Variants in RASGRF2 observed in about 807,000 individuals in gnomAD.
RASGRF2 encodes ras-specific guanine nucleotide-releasing factor 2.
RASGRF2 carries 76 observed loss-of-function variants against 151.0 expected under a neutral mutation model. The observed-to-expected ratio is 0.50, with a 90% confidence interval of 0.42 to 0.61. The LOEUF is 0.61. Among genes scored for constraint, RASGRF2 ranks in the 20% least tolerant of loss-of-function variants. The pLI is 0.00. For synonymous variants in RASGRF2, 504 were observed against 566.5 expected (o/e 0.89, Z 1.57); for missense variants, 1,148 against 1,564.6 (o/e 0.73, Z 4.49).
intron 2 of RASGRF2, among the ~76,000 whole-genome samples, chr5:81,063,634 A>G (rs1471597191): frequency 6.6e-6 from 1 of 151,988 alleles, no homozygotes; most frequent in Non-Finnish European, 1.5e-5. Context: ...TCTTGGATCT[A>G]TACTCTAGGT....
At chr5:81,002,656 T>G (rs376867442) in intron 1 of RASGRF2, among the ~76,000 whole-genome samples, 1 of 152,326 alleles carries the variant, frequency 6.6e-6, no homozygotes, top group East Asian at 1.9e-4. Context: ...ATGTTTGTAT[T>G]TATTGAATAT....
At chr5:81,034,465 C>T (rs1102240) in intron 1 of RASGRF2, among the ~76,000 whole-genome samples, 27,135 of 151,478 alleles carry the variant, frequency 0.18, 2,515 homozygotes, top group Admixed American at 0.26. Context: ...ACCCAAAGGA[C>T]TATAAATCAT....
rs895197705 is a variant in RASGRF2, at chr5:81,034,627, T to G, written c.289-8250T>G. Among the ~76,000 whole-genome samples the G allele has an allele frequency of 9.0e-4, 136 of 151,324 alleles. 1 individual carries two copies. The highest frequency in any genetic ancestry group is 3.1e-3 in the African/African-American group (130 of 41,288). ...TGGAATACTATGCAGCCATAAAAAA[T>G]GATGAGTTCATGTCCTTTGTAGGGA... On this transcript the variant is annotated intron_variant, in intron 1 of 26. Transcript: ENST00000265080.
chr5:81,099,907 CT>C lies in RASGRF2; in HGVS notation c.1755+4933del, dbSNP rs577876645. On this transcript the variant is annotated intron_variant, in intron 12 of 26. Coordinates refer to ENST00000265080, the MANE Select transcript of RASGRF2 (RefSeq NM_006909.3). Reference sequence around the variant, plus strand: ...ATTTTTGTCACTATTTTTCTTTTTTCTTTTTTTTTTTTTTTTTTGAGACAGA... The same window carrying C: ...ATTTTTGTCACTATTTTTCTTTTTTCTTTTTTTTTTTTTTTTTGAGACAGA... Among the ~76,000 whole-genome samples, 682 of 124,998 alleles carry C rather than the reference CT, an allele frequency of 5.5e-3. 1 individual carries two copies. The highest frequency in any genetic ancestry group is 0.013 in the African/African-American group (441 of 32,824). 82.0% of individuals were successfully genotyped at this position (124,998 alleles called of 152,430 possible). A position where few individuals can be genotyped will look rare whatever the true frequency, so the allele number is the denominator to read the frequency against.
chr5:81,120,021 A>T (rs905024132), intron 15 of RASGRF2, among the ~76,000 whole-genome samples: 2 of 152,154 alleles, frequency 1.3e-5, no homozygotes, highest in Non-Finnish European at 2.9e-5. Flanking sequence ...AAGCCCGTAG[A>T]GCCAACCTTT....
chr5:81,225,122 C>A (rs2112758394), intron 26 of RASGRF2, among the ~76,000 whole-genome samples: 1 of 152,306 alleles, frequency 6.6e-6, no homozygotes, highest in African/African-American at 2.4e-5. Context: ...CCTAGCCTAG[C>A]AGAGTATTCA....
At chr5:81,222,936 C>T (rs545657839) in intron 26 of RASGRF2, among the ~76,000 whole-genome samples, 1 of 152,214 alleles carries the variant, frequency 6.6e-6, no homozygotes, top group East Asian at 1.9e-4. Flanking sequence ...AGGAGTATAG[C>T]AACTTGACAT....
At chr5:81,136,233 T>C (rs1389637269) in intron 17 of RASGRF2, among the ~76,000 whole-genome samples, 1 of 152,250 alleles carries the variant, frequency 6.6e-6, no homozygotes, top group Non-Finnish European at 1.5e-5. Context: ...CCTTCTTCAG[T>C]GCTCTTCTTT....
chr5:81,212,803 G>A (rs1324948007), intron 23 of RASGRF2, among the ~76,000 whole-genome samples: 8 of 152,176 alleles, frequency 5.3e-5, no homozygotes, highest in Non-Finnish European at 2.9e-5. Context: ...GTGGTTGTCA[G>A]TCAAGAGTTG....
At chr5:81,143,929 AC>A in intron 17 of RASGRF2, among the ~76,000 whole-genome samples, 1 of 151,864 alleles carries the variant, frequency 6.6e-6, no homozygotes, top group South Asian at 2.1e-4. Context: ...TGTTTCCTGG[AC>A]TTTTTGGTTA....
At chr5:81,221,206 C>T (rs1755849636) in intron 26 of RASGRF2, among the ~76,000 whole-genome samples, 1 of 152,168 alleles carries the variant, frequency 6.6e-6, no homozygotes. Flanking sequence ...CTTCCTTCCT[C>T]ATCCTGTATT....
intron 1 of RASGRF2, among the ~76,000 whole-genome samples, chr5:81,041,592 G>A (rs1348282819): frequency 1.3e-5 from 2 of 152,214 alleles, no homozygotes; most frequent in Non-Finnish European, 2.9e-5. Context: ...TTCCATGTCT[G>A]TCTTTGCTGG....
At chr5:81,130,424 G>A (rs997024127) in intron 17 of RASGRF2, among the ~76,000 whole-genome samples, 2 of 152,150 alleles carry the variant, frequency 1.3e-5, no homozygotes, top group Admixed American at 6.6e-5. Context: ...GGTAAGAAAG[G>A]GGGTCTCTTT....
intron 1 of RASGRF2, among the ~76,000 whole-genome samples, chr5:81,018,176 G>A (rs926617489): frequency 1.3e-5 from 2 of 152,110 alleles, no homozygotes; most frequent in Non-Finnish European, 2.9e-5. Flanking sequence ...TCTTCAGTTG[G>A]TGCCCCACCA....
intron 1 of RASGRF2, among the ~76,000 whole-genome samples, chr5:80,985,273 C>T (rs1263898336): frequency 1.3e-5 from 2 of 152,084 alleles, no homozygotes; most frequent in African/African-American, 2.4e-5. Context: ...AGATTCTGAC[C>T]GTTCATACTG....
chr5:81,208,522 C>G, intron 22 of RASGRF2, 84 bp downstream of exon 22: 2 of 555,492 alleles, frequency 3.6e-6, no homozygotes, highest in Non-Finnish European at 5.9e-6. Flanking sequence ...AACAAAGCAA[C>G]TCTGTCACCC....
chr5:81,099,900 C>CTTTTTTTTT (rs1009618364), intron 12 of RASGRF2, among the ~76,000 whole-genome samples: 1 of 127,644 alleles, frequency 7.8e-6, no homozygotes, highest in African/African-American at 3.1e-5. Context: ...CACTATTTTT[C>CTTTTTTTTT]TTTTTTCTTT....
chr5:81,140,411 AACAC>A (rs138439687), intron 17 of RASGRF2, among the ~76,000 whole-genome samples: 1,801 of 148,496 alleles, frequency 0.012, 37 homozygotes, highest in African/African-American at 0.04. Flanking sequence ...CCTATTTTTA[AACAC>A]ACACACACAC....
intron 18 of RASGRF2, among the ~76,000 whole-genome samples, chr5:81,194,161 TAG>T (rs1192692028): frequency 2.8e-5 from 4 of 141,550 alleles, no homozygotes; most frequent in African/African-American, 8.0e-5. Context: ...CTGGGCAGCA[TAG>T]AGAGAGCCCC....
Sources: allele counts gnomAD v4.1 joint callset (sites outside exome capture counted in the v4.1 genomes callset), GRCh38; gene constraint gnomAD v4.1.1; transcripts MANE v1.5; gene names NCBI Gene and HGNC (gene_info 2026-07-23, HGNC 2026-07-21).